KIAA1328: variants seen among roughly 807,000 people sequenced by gnomAD.
KIAA1328 encodes KIAA1328, also known as protein hinderin.
Under a neutral mutation model 68.1 loss-of-function variants are expected in KIAA1328, and 52 were observed. The ratio of observed to expected loss-of-function variants is 0.76; its 90% CI spans 0.61 to 0.96. The LOEUF is 0.96. Ranked by LOEUF, KIAA1328 falls within the 40% of genes least tolerant of loss-of-function variation. The pLI is 0.00. For synonymous variants in KIAA1328, 232 were observed against 239.4 expected, an observed-to-expected ratio of 0.97 and a Z score of 0.28; for missense variants, 641 against 677.6, an observed-to-expected ratio of 0.95 and a Z score of 0.60.
intron 1 of KIAA1328, chr18:36,833,354 T>A (rs2046562674): frequency 6.6e-6 from 1 of 152,178 alleles, no homozygotes; most frequent in South Asian, 2.1e-4. Context: ...AAGAGCTTCC[T>A]GGGTAGAAGA....
rs58940699 is a variant in KIAA1328 at position 37,105,916 on chromosome 18, C to CAAAAAAAAAAA, written c.1232+38390_1232+38400dup. Among the ~76,000 whole-genome samples, 30 of 19,498 alleles carry CAAAAAAAAAAA rather than the reference C, an allele frequency of 1.5e-3. 3 individuals carry two copies. Among genetic ancestry groups the CAAAAAAAAAAA allele is most frequent in the African/African-American group, 3.3e-3 (28 of 8,544 alleles). The allele number at this position is 19,498 out of a possible 152,430, so 12.8% of individuals were successfully genotyped here. On this transcript the variant is annotated intron_variant, in intron 7 of 9. Transcript: ENST00000280020. ...TGGTTGACAGAGCAAGACTCTGTGTCAAAAAAAAAAAAAAAAAAAAAAAAA... is the reference window on the plus strand; with the variant it reads ...TGGTTGACAGAGCAAGACTCTGTGTCAAAAAAAAAAAAAAAAAAAAAAAAAAAAAAAAAAAA...
chr18:37,133,011 C>T (rs2058557369), intron 7 of KIAA1328, among the ~76,000 whole-genome samples: 1 of 152,128 alleles, frequency 6.6e-6, no homozygotes, highest in Non-Finnish European at 1.5e-5. Context: ...CTGTTTGGTT[C>T]CATTTCCATG....
chr18:36,930,078 G>A (rs1412537467), intron 5 of KIAA1328, among the ~76,000 whole-genome samples: 1 of 152,126 alleles, frequency 6.6e-6, no homozygotes, highest in Non-Finnish European at 1.5e-5. Flanking sequence ...CACTGGTAGA[G>A]ACCTGTGAGA....
chr18:36,916,972 A>C (rs946419063), intron 5 of KIAA1328, among the ~76,000 whole-genome samples: 8 of 152,004 alleles, frequency 5.3e-5, no homozygotes, highest in African/African-American at 1.9e-4. Flanking sequence ...CCACTATTAA[A>C]AACAAAACAA....
At chr18:36,939,749 G>C (rs1217388713) in intron 5 of KIAA1328, among the ~76,000 whole-genome samples, 1 of 151,988 alleles carries the variant, frequency 6.6e-6, no homozygotes, top group African/African-American at 2.4e-5. Flanking sequence ...CCTTTATTGT[G>C]TTGAGGTACA....
intron 6 of KIAA1328, among the ~76,000 whole-genome samples, chr18:36,982,269 G>A (rs2052725145): frequency 6.7e-6 from 1 of 150,158 alleles, no homozygotes; most frequent in Non-Finnish European, 1.5e-5. Flanking sequence ...ATAAACCCAT[G>A]GATTGAAGTA....
At chr18:37,131,201 A>T (rs1273659697) in intron 7 of KIAA1328, among the ~76,000 whole-genome samples, 1 of 152,204 alleles carries the variant, frequency 6.6e-6, no homozygotes, top group Non-Finnish European at 1.5e-5. Context: ...CTGTTAACAT[A>T]TGACTATGTT....
intron 5 of KIAA1328, among the ~76,000 whole-genome samples, chr18:36,947,711 C>A (rs1351244312): frequency 6.6e-6 from 1 of 152,134 alleles, no homozygotes; most frequent in African/African-American, 2.4e-5. Context: ...TCTTCAGGAA[C>A]AGAAGAACTG....
intron 9 of KIAA1328, among the ~76,000 whole-genome samples, chr18:37,190,292 A>G (rs1568514595): frequency 6.6e-6 from 1 of 152,212 alleles, no homozygotes; most frequent in Admixed American, 6.5e-5. Flanking sequence ...TATATTTCCA[A>G]TTGGATCTAT....
At chr18:37,166,420 TATGAG>T (rs1206654624) in intron 8 of KIAA1328, among the ~76,000 whole-genome samples, 3 of 152,136 alleles carry the variant, frequency 2.0e-5, no homozygotes, top group Admixed American at 2.0e-4. Flanking sequence ...CTTAAAACAT[TATGAG>T]ATTTTTTTGT....
intron 6 of KIAA1328, among the ~76,000 whole-genome samples, chr18:36,996,304 TCATGAGGTAGGCAC>T (rs562338389): frequency 6.6e-6 from 1 of 152,270 alleles, no homozygotes; most frequent in East Asian, 1.9e-4. Flanking sequence ...CAGTTTAACC[TCATGAGGTAGGCAC>T]CATTATTATC....
At chr18:36,913,859 A>G (rs2049574494) in intron 5 of KIAA1328, among the ~76,000 whole-genome samples, 1 of 152,144 alleles carries the variant, frequency 6.6e-6, no homozygotes. Context: ...AAGGGTCACC[A>G]TCAGTGTTTT....
chr18:36,918,189 A>G (rs546338515), intron 5 of KIAA1328, among the ~76,000 whole-genome samples: 2 of 152,028 alleles, frequency 1.3e-5, no homozygotes, highest in Admixed American at 1.3e-4. Context: ...GTATCCAATC[A>G]GTCTCTGATT....
chr18:37,152,096 TAAA>T (rs376117913), intron 7 of KIAA1328, among the ~76,000 whole-genome samples: 5 of 84,704 alleles, frequency 5.9e-5, no homozygotes, highest in Admixed American at 2.6e-4. Context: ...TGGACCTATG[TAAA>T]AAAAAAAAAA....
intron 6 of KIAA1328, among the ~76,000 whole-genome samples, chr18:36,993,661 A>G (rs1363907968): frequency 6.6e-6 from 1 of 152,216 alleles, no homozygotes; most frequent in Non-Finnish European, 1.5e-5. Context: ...AGACATAACT[A>G]TAAAAACTTT....
At chr18:36,927,642 A>G (rs1000080537) in intron 5 of KIAA1328, among the ~76,000 whole-genome samples, 1 of 152,052 alleles carries the variant, frequency 6.6e-6, no homozygotes, top group African/African-American at 2.4e-5. Flanking sequence ...AGTCCCAGCT[A>G]TTTGGGAGGT....
intron 6 of KIAA1328, among the ~76,000 whole-genome samples, chr18:37,019,397 G>A (rs1202301797): frequency 1.3e-5 from 2 of 152,346 alleles, no homozygotes; most frequent in African/African-American, 2.4e-5. Flanking sequence ...TAGGCAATGA[G>A]CTGGTTCATG....
chr18:37,142,602 TAC>T (rs142803247), intron 7 of KIAA1328, among the ~76,000 whole-genome samples: 30 of 149,848 alleles, frequency 2.0e-4, no homozygotes, highest in South Asian at 4.2e-4. Flanking sequence ...GTTGAATGTG[TAC>T]ACACACACAC....
intron 4 of KIAA1328, among the ~76,000 whole-genome samples, chr18:36,854,339 C>G (rs1443824396): frequency 2.6e-5 from 4 of 152,096 alleles, no homozygotes; most frequent in Non-Finnish European, 1.5e-5. Flanking sequence ...TAAGGCAGCC[C>G]TAATGAATTA....
Sources: allele counts gnomAD v4.1 joint callset (sites outside exome capture counted in the v4.1 genomes callset), GRCh38; gene constraint gnomAD v4.1.1; transcripts MANE v1.5; gene names NCBI Gene and HGNC (gene_info 2026-07-23, HGNC 2026-07-21).